Variants in AR observed in about 807,000 individuals in gnomAD.
The protein encoded by AR is dihydrotestosterone receptor.
A neutral mutation model predicts 53.9 loss-of-function variants in AR; 8 were observed. That is an observed-to-expected ratio of 0.15 (90% CI 0.09 to 0.27). The LOEUF is 0.27. AR is among the 10% of genes least tolerant of loss of function. The pLI, the probability that AR is intolerant of heterozygous loss-of-function variation, is 1.00. For missense variants in AR, 639 were observed against 742.5 expected (o/e 0.86, Z 1.62); for synonymous variants, 359 against 316.4 (o/e 1.13, Z -1.43).
At chrX:67,673,116 A>G (rs777793669) in intron 2 of AR, among the ~76,000 whole-genome samples, 10 of 108,804 alleles carry the variant, frequency 9.2e-5, no homozygotes, top group Non-Finnish European at 1.5e-4. Flanking sequence ...GCTACCACTG[A>G]AAAGTCTGCT....
Position 67,711,396 on chromosome X carries a change from C to G in AR, c.1886-6C>G. The stretch of plus-strand genomic sequence containing the variant: ...ATAAATTCAAGTCTCTCTTCCTTCC[C>G]AATAGCCCGGAAGCTGAAGAAACTT... On this transcript the variant is annotated splice_region_variant and splice_polypyrimidine_tract_variant and intron_variant, in intron 3 of 7. Transcript: ENST00000374690. The G allele has an allele frequency of 8.4e-7, 1 of 1,184,682 alleles. No individual in the cohort carries two copies. Among genetic ancestry groups the G allele is most frequent in the Non-Finnish European group, 1.1e-6 (1 of 881,099 alleles).
intron 3 of AR, among the ~76,000 whole-genome samples, chrX:67,697,106 ACTG>A (rs1479363712): frequency 8.9e-6 from 1 of 111,941 alleles, no homozygotes; most frequent in Non-Finnish European, 1.9e-5. Context: ...AGAATAAAAT[ACTG>A]CTGTTCTTGT....
At chrX:67,596,651 T>C (rs1206835102) in intron 1 of AR, among the ~76,000 whole-genome samples, 1 of 111,803 alleles carries the variant, frequency 8.9e-6, no homozygotes, top group Non-Finnish European at 1.9e-5. Flanking sequence ...AGATGTATAA[T>C]TGGATTATCA....
chrX:67,620,804 C>T (rs1160543287), intron 1 of AR, among the ~76,000 whole-genome samples: 2 of 111,637 alleles, frequency 1.8e-5, no homozygotes, highest in Admixed American at 1.9e-4. Flanking sequence ...TCAGACCAGA[C>T]TTATGATAGG....
intron 1 of AR, among the ~76,000 whole-genome samples, chrX:67,566,347 T>C (rs752824576): frequency 8.9e-6 from 1 of 112,030 alleles, no homozygotes; most frequent in East Asian, 2.8e-4. Context: ...AGTAAACATA[T>C]GAACAGCAAC....
chrX:67,728,455 C>G lies in AR; in HGVS notation c.*4614C>G, dbSNP rs2076166702. ...AGTACTAGATTTTGCACTAGAGGGA[C>G]AGCAGGCAGAAATCCTTATTTCTGC... On this transcript the variant is annotated 3_prime_UTR_variant, in exon 8 of 8. Coordinates refer to ENST00000374690, the MANE Select transcript of AR (RefSeq NM_000044.6). 6.8e-6 allele frequency: 1 copy of G among 146,028 alleles called. No homozygotes were observed. The highest frequency in any genetic ancestry group is 1.3e-5 in the Non-Finnish European group (1 of 76,319). The allele number at this position is 146,028 out of a possible 1,213,427, so 12.0% of individuals were successfully genotyped here.
chrX:67,630,218 G>C (rs1298822558), intron 1 of AR, among the ~76,000 whole-genome samples: 1 of 110,938 alleles, frequency 9.0e-6, no homozygotes, highest in Admixed American at 9.6e-5. Flanking sequence ...TCGTTGATCT[G>C]TCTAATGTTG....
At chrX:67,638,848 A>G (rs1387846762) in intron 1 of AR, among the ~76,000 whole-genome samples, 1 of 111,910 alleles carries the variant, frequency 8.9e-6, no homozygotes, top group Non-Finnish European at 1.9e-5. Context: ...ACATTTGTCA[A>G]TCTTGGCTCT....
chrX:67,545,310 T>TGCA lies in AR; in HGVS notation c.166_167insAGC (p.Leu55_Leu56insGln), dbSNP rs1180498424. ...GCAGCACCTCCCGGCGCCAGTTTGCTGCTGCTGCAGCAGCAGCAGCAGCAG... is the reference window on the plus strand; with the variant it reads ...GCAGCACCTCCCGGCGCCAGTTTGCTGCAGCTGCTGCAGCAGCAGCAGCAGCAG... On this transcript the variant is annotated inframe_insertion, in exon 1 of 8. Coordinates refer to ENST00000374690, the MANE Select transcript of AR (RefSeq NM_000044.6). 3 of 1,140,276 alleles carry TGCA rather than the reference T, an allele frequency of 2.6e-6. No homozygotes were observed. The East Asian group carries it at 1.0e-4, about 39-fold the overall frequency. The allele number at this position is 1,140,276 out of a possible 1,213,427, so 94.0% of individuals were successfully genotyped here.
chrX:67,687,353 A>G (rs2075972373), intron 3 of AR, among the ~76,000 whole-genome samples: 1 of 112,091 alleles, frequency 8.9e-6, no homozygotes, highest in Non-Finnish European at 1.9e-5. Flanking sequence ...AAACAGAACA[A>G]AGTACCTCAC....
intron 1 of AR, among the ~76,000 whole-genome samples, chrX:67,624,640 G>C (rs1467887888): frequency 9.1e-6 from 1 of 109,990 alleles, no homozygotes; most frequent in East Asian, 2.9e-4. Context: ...CTAGCAAACA[G>C]AATTCAGCAA....
At chrX:67,678,490 G>T (rs532430908) in intron 2 of AR, among the ~76,000 whole-genome samples, 4 of 111,473 alleles carry the variant, frequency 3.6e-5, no homozygotes, top group African/African-American at 6.5e-5. Context: ...TTCATTAAAG[G>T]CTATATAGTA....
At position 67,707,092 on chromosome X, in the gene AR, T is replaced by C. The variant is rs764578903; in HGVS notation, c.1886-4310T>C. Among the ~76,000 whole-genome samples the C allele has an allele frequency of 6.3e-5, 7 of 111,702 alleles. No homozygotes were observed. In the South Asian group the frequency reaches 2.7e-3, roughly 42 times the overall value. On this transcript the variant is annotated intron_variant, in intron 3 of 7. Transcript: ENST00000374690. Reference sequence around the variant, plus strand: ...ACTCAGTGGTCAATTTTGGAATAGGTGTGGTGTGGTGCTGAGAAGAATGTA... The same window carrying C: ...ACTCAGTGGTCAATTTTGGAATAGGCGTGGTGTGGTGCTGAGAAGAATGTA...
rs775856005 is a variant in AR at position 67,714,261 on chromosome X, G to T, written c.2173+2572G>T. Among the ~76,000 whole-genome samples the T allele has an allele frequency of 2.7e-5, 3 of 112,078 alleles. No homozygotes were observed. In the East Asian group the frequency reaches 8.5e-4, roughly 32 times the overall value. On this transcript the variant is annotated intron_variant, in intron 4 of 7. Transcript: ENST00000374690. ...TGTGCTTCTGTGTCCTCATTTGTAA[G>T]ATGATAGAATAATCACTACCTTTCA...
intron 1 of AR, among the ~76,000 whole-genome samples, chrX:67,550,783 T>A (rs977147459): frequency 1.8e-5 from 2 of 110,359 alleles, no homozygotes; most frequent in African/African-American, 3.3e-5. Context: ...AAGTGCTGCC[T>A]GTCCCCGATT....
chrX:67,566,224 T>C (rs1013669387), intron 1 of AR, among the ~76,000 whole-genome samples: 1 of 111,935 alleles, frequency 8.9e-6, no homozygotes, highest in Non-Finnish European at 1.9e-5. Context: ...TCAATACATT[T>C]CCTGAGTACC....
chrX:67,586,516 T>C (rs1227220594), intron 1 of AR, among the ~76,000 whole-genome samples: 1 of 112,224 alleles, frequency 8.9e-6, no homozygotes, highest in Admixed American at 9.5e-5. Context: ...CTATGAGAGA[T>C]GAAAATTCCT....
intron 1 of AR, among the ~76,000 whole-genome samples, chrX:67,627,477 C>T (rs181082401): frequency 0.033 from 3,643 of 110,808 alleles, 58 homozygotes; most frequent in Non-Finnish European, 0.053. Flanking sequence ...TTGATGGGGT[C>T]GTTTGTTTTT....
chrX:67,628,299 C>T (rs1394273176), intron 1 of AR, among the ~76,000 whole-genome samples: 7 of 99,980 alleles, frequency 7.0e-5, no homozygotes, highest in Admixed American at 1.2e-4. Context: ...TGTTTGTATC[C>T]TCTTTTATTT....
Sources: allele counts gnomAD v4.1 joint callset (sites outside exome capture counted in the v4.1 genomes callset), GRCh38; gene constraint gnomAD v4.1.1; transcripts MANE v1.5; gene names NCBI Gene and HGNC (gene_info 2026-07-23, HGNC 2026-07-21).